The following CNNM2 variants were observed in gnomAD, a reference collection of about 807,000 sequenced individuals.
CNNM2 encodes metal transporter CNNM2.
In CNNM2, 12 loss-of-function variants were observed where a neutral mutation model predicts 66.9. That is an observed-to-expected ratio of 0.18 (90% CI 0.11 to 0.29). The LOEUF (loss-of-function observed/expected upper bound fraction) is 0.29, where lower values mean the gene tolerates loss of function less well. Ranked by LOEUF, CNNM2 falls within the 10% of genes least tolerant of loss-of-function variation. CNNM2 has a pLI of 1.00. For missense variants in CNNM2, 705 were observed against 1,167.7 expected, an observed-to-expected ratio of 0.60 and a Z score of 5.77; for synonymous variants, 557 against 501.8, an observed-to-expected ratio of 1.11 and a Z score of -1.47.
In CNNM2 at chr10:103,088,983, G is replaced by C. The variant is rs115278688; in HGVS notation, c.*11803G>C. Reference sequence around the variant, plus strand: ...ATAGATTTATCACAGATAAGAAGGAGGTTGTTTTTGGATAACAAATAAGCA... The same window carrying C: ...ATAGATTTATCACAGATAAGAAGGACGTTGTTTTTGGATAACAAATAAGCA... On this transcript the variant is annotated 3_prime_UTR_variant, in exon 8 of 8. Transcript: ENST00000369878. 3 of 209,014 alleles carry C rather than the reference G, an allele frequency of 1.4e-5. No individual in the cohort carries two copies. Among genetic ancestry groups the C allele is most frequent in the Non-Finnish European group, 2.9e-5 (3 of 102,760 alleles). 12.9% of individuals were successfully genotyped at this position (209,014 alleles called of 1,614,324 possible). A position where few individuals can be genotyped will look rare whatever the true frequency, so the allele number is the denominator to read the frequency against.
intron 1 of CNNM2, among the ~76,000 whole-genome samples, chr10:103,040,856 A>G (rs2065027955): frequency 6.6e-6 from 1 of 152,178 alleles, no homozygotes; most frequent in African/African-American, 2.4e-5. Context: ...ATCGTACAGC[A>G]TTTCCCCTCA....
At position 102,939,837 on chromosome 10, in the gene CNNM2, G is replaced by A. The variant is rs529421727; in HGVS notation, c.1621+19736G>A. On this transcript the variant is annotated intron_variant, in intron 1 of 7. Coordinates refer to ENST00000369878, the MANE Select transcript of CNNM2 (RefSeq NM_017649.5). ...AATACAAAAATCAGCTGGGCGTGGC[G>A]CACACCTGTAATCCCAGCTACTCGG... 5.9e-5 allele frequency among the ~76,000 whole-genome samples: 9 copies of A among 152,082 alleles called. No individual in the cohort carries two copies. In the South Asian group the frequency reaches 6.2e-4, roughly 11 times the overall value.
intron 1 of CNNM2, among the ~76,000 whole-genome samples, chr10:103,012,891 C>T (rs1439271955): frequency 1.3e-5 from 2 of 152,118 alleles, no homozygotes; most frequent in African/African-American, 4.8e-5. Context: ...GAAAGTTTAC[C>T]ATAGCCTTTC....
chr10:103,054,228 A>G lies in CNNM2; in HGVS notation c.1766-101A>G. 5 of 1,326,672 alleles carry G rather than the reference A, an allele frequency of 3.8e-6. No individual in the cohort carries two copies. The highest frequency in any genetic ancestry group is 5.2e-6 in the Non-Finnish European group (5 of 964,802). The allele number at this position is 1,326,672 out of a possible 1,614,324, so 82.2% of individuals were successfully genotyped here. ...ATAGAGCGCCTGCATCTGGAAATAC[A>G]GTCCAGCTCTTCCAATATATTTTGT... On this transcript the variant is annotated intron_variant, in intron 2 of 7. Transcript: ENST00000369878. This position sits in a 1 kb window ranked among gnomAD's most constrained non-coding sequence, Gnocchi z 5.2.
intron 1 of CNNM2, among the ~76,000 whole-genome samples, chr10:103,015,118 A>G (rs572655638): frequency 6.6e-6 from 1 of 152,324 alleles, no homozygotes; most frequent in East Asian, 1.9e-4. Context: ...CACTTGCTTA[A>G]ATACAACTTA....
At chr10:102,926,059 G>T (rs1379473438) in intron 1 of CNNM2, among the ~76,000 whole-genome samples, 1 of 152,146 alleles carries the variant, frequency 6.6e-6, no homozygotes, top group East Asian at 1.9e-4. Context: ...GACTGTGGGG[G>T]TGAAGCTTCC....
rs115278688 is a variant in CNNM2 at position 103,088,983 on chromosome 10, G to A, written c.*11803G>A. On this transcript the variant is annotated 3_prime_UTR_variant, in exon 8 of 8. Coordinates refer to ENST00000369878, the MANE Select transcript of CNNM2 (RefSeq NM_017649.5). ...ATAGATTTATCACAGATAAGAAGGA[G>A]GTTGTTTTTGGATAACAAATAAGCA... is the stretch of plus-strand genomic sequence containing the variant. 1.1e-3 allele frequency: 223 copies of A among 209,132 alleles called. 2 individuals are homozygous for A. The highest frequency in any genetic ancestry group is 4.6e-3 in the Middle Eastern group (3 of 654). 13.0% of individuals were successfully genotyped at this position (209,132 alleles called of 1,614,324 possible). A position where few individuals can be genotyped will look rare whatever the true frequency, so the allele number is the denominator to read the frequency against.
At position 103,089,997 on chromosome 10, in the gene CNNM2, C is replaced by T; in HGVS notation, c.*12817C>T. On this transcript the variant is annotated 3_prime_UTR_variant, in exon 8 of 8. Coordinates refer to ENST00000369878, the MANE Select transcript of CNNM2 (RefSeq NM_017649.5). The stretch of plus-strand genomic sequence containing the variant: ...TAACCCCTCTCCTCTGTTAGGTGGC[C>T]ATGCAATTACATCTATAATGGACCA... 1 of 952,272 alleles carries T rather than the reference C, an allele frequency of 1.1e-6. No individual in the cohort carries two copies. The highest frequency in any genetic ancestry group is 2.9e-5 in the Admixed American group (1 of 34,698). 59.0% of individuals were successfully genotyped at this position (952,272 alleles called of 1,614,324 possible).
At chr10:102,984,137 C>T (rs1164390161) in intron 1 of CNNM2, among the ~76,000 whole-genome samples, 2 of 152,130 alleles carry the variant, frequency 1.3e-5, no homozygotes, top group Admixed American at 1.3e-4. Context: ...TAAATGAATG[C>T]ATGTAGTTAT....
chr10:102,957,892 G>A (rs1590309138), intron 1 of CNNM2, among the ~76,000 whole-genome samples: 2 of 152,286 alleles, frequency 1.3e-5, no homozygotes, highest in South Asian at 4.1e-4. Flanking sequence ...CAGTTGCTGT[G>A]GGAGAGTTGG....
rs2065795317 is a variant in CNNM2 at position 103,085,374 on chromosome 10, A to G, written c.*8194A>G. 1 of 152,234 alleles carries G rather than the reference A, an allele frequency of 6.6e-6. No homozygotes were observed. The highest frequency in any genetic ancestry group is 2.4e-5 in the African/African-American group (1 of 41,462). 9.4% of individuals were successfully genotyped at this position (152,234 alleles called of 1,614,324 possible). A position where few individuals can be genotyped will look rare whatever the true frequency, so the allele number is the denominator to read the frequency against. ...CTCTCTCAAAGACTGGACACTGAGT[A>G]AACATTTTTCAGTGTGGGGAAGGTT... On this transcript the variant is annotated 3_prime_UTR_variant, in exon 8 of 8. Coordinates refer to ENST00000369878, the MANE Select transcript of CNNM2 (RefSeq NM_017649.5).
intron 1 of CNNM2, among the ~76,000 whole-genome samples, chr10:103,030,542 C>T (rs1176661523): frequency 6.6e-6 from 1 of 152,122 alleles, no homozygotes; most frequent in Non-Finnish European, 1.5e-5. Flanking sequence ...CGGTGAAACC[C>T]AGTCTCTACT....
intron 4 of CNNM2, among the ~76,000 whole-genome samples, chr10:103,065,014 A>G (rs748150590): frequency 6.6e-6 from 1 of 152,196 alleles, no homozygotes; most frequent in Non-Finnish European, 1.5e-5. Context: ...GCAGCAGTGA[A>G]TCTCAACTAG....
At chr10:103,027,484 C>T (rs2064729227) in intron 1 of CNNM2, 1 of 152,214 alleles carries the variant, frequency 6.6e-6, no homozygotes, top group African/African-American at 2.4e-5. Context: ...AGGACAATCT[C>T]CATAACCCAT....
rs2065810812 is a variant in CNNM2 at position 103,086,364 on chromosome 10, A to C, written c.*9184A>C. ...TTAACTGTATGGCAATAGCTAGATC[A>C]TAGTTACCATTTTTCCCACCATCAA... On this transcript the variant is annotated 3_prime_UTR_variant, in exon 8 of 8. Transcript: ENST00000369878. 6.6e-6 allele frequency: 1 copy of C among 152,240 alleles called. No homozygotes were observed. Among genetic ancestry groups the C allele is most frequent in the African/African-American group, 2.4e-5 (1 of 41,460 alleles). The allele number at this position is 152,240 out of a possible 1,614,324, so 9.4% of individuals were successfully genotyped here.
rs1174320456 is a variant in CNNM2 at position 102,922,383 on chromosome 10, TC to T, written c.1621+2283del. 2.6e-5 allele frequency among the ~76,000 whole-genome samples: 4 copies of T among 152,204 alleles called. No individual in the cohort carries two copies. The East Asian group carries it at 7.7e-4, about 29-fold the overall frequency. ...TAACCTTACTGTCAGTTATATTGGTTCTTTTTTTTATGTCTGAGTTAAAACA... is the reference window on the plus strand; with the variant it reads ...TAACCTTACTGTCAGTTATATTGGTTTTTTTTTTATGTCTGAGTTAAAACA... On this transcript the variant is annotated intron_variant, in intron 1 of 7. Coordinates refer to ENST00000369878, the MANE Select transcript of CNNM2 (RefSeq NM_017649.5).
Position 103,082,369 on chromosome 10 carries a change from TAGAGC to T in CNNM2, c.*5196_*5200del, listed in dbSNP as rs938110798. ...CTTTTTTGTTGGAGGCTCAGACTTC[TAGAGC>T]AGAGCAAAGTTGGGAAGAATGAGGT... On this transcript the variant is annotated 3_prime_UTR_variant, in exon 8 of 8. Coordinates refer to ENST00000369878, the MANE Select transcript of CNNM2 (RefSeq NM_017649.5). 2 of 152,234 alleles carry T rather than the reference TAGAGC, an allele frequency of 1.3e-5. No homozygotes were observed. The highest frequency in any genetic ancestry group is 4.8e-5 in the African/African-American group (2 of 41,440). The allele number at this position is 152,234 out of a possible 1,614,324, so 9.4% of individuals were successfully genotyped here.
rs1012422119 is a variant in CNNM2 at position 103,080,349 on chromosome 10, G to T, written c.*3169G>T. On this transcript the variant is annotated 3_prime_UTR_variant, in exon 8 of 8. Coordinates refer to ENST00000369878, the MANE Select transcript of CNNM2 (RefSeq NM_017649.5). ...AGGGCTTTTCTCCTGCTGTTTGGAGGTTCCGTCCCTTCACTGCTTGTCCCA... is the reference window on the plus strand; with the variant it reads ...AGGGCTTTTCTCCTGCTGTTTGGAGTTTCCGTCCCTTCACTGCTTGTCCCA... 5 of 152,202 alleles carry T rather than the reference G, an allele frequency of 3.3e-5. No homozygotes were observed. The highest frequency in any genetic ancestry group is 1.2e-4 in the African/African-American group (5 of 41,430). The allele number at this position is 152,202 out of a possible 1,614,324, so 9.4% of individuals were successfully genotyped here. A position where few individuals can be genotyped will look rare whatever the true frequency, so the allele number is the denominator to read the frequency against.
intron 1 of CNNM2, among the ~76,000 whole-genome samples, chr10:103,036,457 C>G (rs975988015): frequency 6.6e-5 from 10 of 152,136 alleles, no homozygotes; most frequent in Admixed American, 5.9e-4. Flanking sequence ...CACAACAGCA[C>G]CTAGATTAGT....
Sources: gnomAD v4.1 joint callset for allele counts (sites outside exome capture counted in the v4.1 genomes callset) on GRCh38, gnomAD v4.1.1 for gene constraint, Gnocchi (gnomAD v3.1) non-coding constraint, MANE v1.5 for transcripts, NCBI Gene and HGNC (gene_info 2026-07-23, HGNC 2026-07-21) for gene names.